Variants in PAK1IP1 observed in about 807,000 individuals in gnomAD.
PAK1IP1 encodes PAK1 interacting protein 1.
A neutral mutation model predicts 42.0 loss-of-function variants in PAK1IP1; 24 were observed. The observed-to-expected ratio is 0.57, with a 90% CI of 0.41 to 0.80. The LOEUF is 0.80. Ranked by LOEUF, PAK1IP1 falls within the 30% of genes least tolerant of loss-of-function variation. PAK1IP1 has a pLI of 0.00. For missense variants in PAK1IP1, 411 were observed against 467.9 expected (o/e 0.88, Z 1.12); for synonymous variants, 154 against 156.7 (o/e 0.98, Z 0.13).
chr6:10,695,295 C>T (rs1045438594), intron 1 of PAK1IP1, among the ~76,000 whole-genome samples: 2 of 152,144 alleles, frequency 1.3e-5, no homozygotes, highest in Admixed American at 6.5e-5. Context: ...GTCCACGGGA[C>T]ACAAAGGAAA....
intron 5 of PAK1IP1, 122 bp downstream of exon 5, chr6:10,703,579 C>G: frequency 1.6e-6 from 1 of 639,604 alleles, no homozygotes; most frequent in South Asian, 2.0e-5. Flanking sequence ...AACACCTTAC[C>G]TCATGATGGG....
intron 2 of PAK1IP1, among the ~76,000 whole-genome samples, chr6:10,699,690 G>GC (rs1769967447): frequency 6.6e-6 from 1 of 152,126 alleles, no homozygotes. Context: ...ATAAAATGGT[G>GC]CCCTTTTTCC....
Position 10,709,377 on chromosome 6 carries a change from A to G in PAK1IP1, c.1104A>G (p.Ile368Met), listed in dbSNP as rs768619766. 6.2e-7 allele frequency: 1 copy of G among 1,614,008 alleles called. No homozygotes were observed. The highest frequency in any genetic ancestry group is 8.5e-7 in the Non-Finnish European group (1 of 1,179,932). ...SKKATKESGL[I>M]STKKRKMVEM... Reference sequence around the variant, plus strand: ...AAGCAACAAAAGAAAGTGGCCTGATATCAACCAAGAAGAGGAAAATGGTAG... The same window carrying G: ...AAGCAACAAAAGAAAGTGGCCTGATGTCAACCAAGAAGAGGAAAATGGTAG... Residue 368 changes from isoleucine (I) to methionine (M), a missense_variant, in exon 10 of 10, where the codon ATA (isoleucine) becomes ATG (methionine). Ile to Met is a conservative substitution (Grantham distance 10). Coordinates refer to ENST00000379568, the MANE Select transcript of PAK1IP1 (RefSeq NM_017906.3).
chr6:10,705,627 T>G (rs948801744), intron 7 of PAK1IP1, among the ~76,000 whole-genome samples: 2 of 152,192 alleles, frequency 1.3e-5, no homozygotes, highest in Non-Finnish European at 2.9e-5. Flanking sequence ...AGGGGGTAGA[T>G]AGTCTCAAAG....
Position 10,709,352 on chromosome 6 carries a change from A to C in PAK1IP1, c.1079A>C (p.Lys360Thr). Residue 360 changes from lysine to threonine, a missense_variant, in exon 10 of 10, where the codon AAA becomes ACA. Coordinates refer to ENST00000379568, the MANE Select transcript of PAK1IP1 (RefSeq NM_017906.3). ...KKRGLTGDSKKATKESGLIST... is the reference protein window; with the variant it reads ...KKRGLTGDSKTATKESGLIST... ...CGCGGTTTAACAGGTGACAGTAAGA[A>C]AGCAACAAAAGAAAGTGGCCTGATA... 1.2e-6 allele frequency: 2 copies of C among 1,614,020 alleles called. No homozygotes were observed. The highest frequency in any genetic ancestry group is 1.7e-6 in the Non-Finnish European group (2 of 1,179,936).
At chr6:10,691,114 A>G (rs1012235390), upstream of PAK1IP1, among the ~76,000 whole-genome samples, 1 of 152,228 alleles carries the variant, frequency 6.6e-6, no homozygotes, top group South Asian at 2.1e-4. Flanking sequence ...TTCTCCAGAC[A>G]TATCTCAGCA....
At chr6:10,706,732 A>G (rs1181194538) in intron 7 of PAK1IP1, among the ~76,000 whole-genome samples, 1 of 152,016 alleles carries the variant, frequency 6.6e-6, no homozygotes, top group Admixed American at 6.5e-5. Context: ...AAAATACAAA[A>G]ATTAGCCAGG....
intron 1 of PAK1IP1, 131 bp from the exon 2 acceptor site, chr6:10,697,193 C>T: frequency 1.3e-6 from 1 of 748,130 alleles, no homozygotes; most frequent in Non-Finnish European, 2.2e-6. Context: ...TGATAGTTTT[C>T]ATGAATCGTG....
At chr6:10,700,899 G>A (rs1770007453) in intron 2 of PAK1IP1, among the ~76,000 whole-genome samples, 1 of 151,882 alleles carries the variant, frequency 6.6e-6, no homozygotes, top group Non-Finnish European at 1.5e-5. Context: ...ACGTCCCATG[G>A]TGGTTTGCTT....
Position 10,702,421 on chromosome 6 carries a change from G to T in PAK1IP1, c.300G>T (p.Ala100=). ...FYGNRHLISG[A]EDGLICIWDA... The stretch of plus-strand genomic sequence containing the variant: ...GCAACAGGCATTTAATCAGTGGAGC[G>T]GAAGATGGACTCATCTGTATCTGGG... The change falls in exon 3 of 10, where the codon GCG becomes GCT. Residue 100 remains alanine (A), a synonymous_variant. Coordinates refer to ENST00000379568, the MANE Select transcript of PAK1IP1 (RefSeq NM_017906.3). The T allele has an allele frequency of 6.2e-7, 1 of 1,613,618 alleles. No homozygotes were observed. The highest frequency in any genetic ancestry group is 8.5e-7 in the Non-Finnish European group (1 of 1,179,612).
upstream of PAK1IP1, among the ~76,000 whole-genome samples, chr6:10,692,186 A>T (rs1769375941): frequency 6.6e-6 from 1 of 152,170 alleles, no homozygotes; most frequent in Non-Finnish European, 1.5e-5. Flanking sequence ...TGAGGGTGTA[A>T]CACTTTTGCA....
rs1769754679 is a variant in PAK1IP1 at position 10,695,049 on chromosome 6, G to C, written c.64G>C (p.Glu22Gln). ...LFGFAVHPEP[E>Q]ACGDHEQWTL... ...TGGGTTCGCTGTACACCCGGAGCCC[G>C]AGGCTTGCGGCGACCACGAGGTGAG... The change falls in exon 1 of 10, where the codon GAG becomes CAG. Residue 22 changes from glutamate (E) to glutamine (Q), a missense_variant. Glu to Gln is a conservative substitution (Grantham distance 29). Coordinates refer to ENST00000379568, the MANE Select transcript of PAK1IP1 (RefSeq NM_017906.3). 1.9e-6 allele frequency: 3 copies of C among 1,600,556 alleles called. No individual in the cohort carries two copies. In the East Asian group the frequency reaches 6.7e-5, roughly 36 times the overall value.
At chr6:10,699,942 C>G (rs960458031) in intron 2 of PAK1IP1, among the ~76,000 whole-genome samples, 1 of 152,072 alleles carries the variant, frequency 6.6e-6, no homozygotes, top group Non-Finnish European at 1.5e-5. Flanking sequence ...GACTGGCTCT[C>G]TGTTGCTGTG....
At position 10,708,969 on chromosome 6, in the gene PAK1IP1, T is replaced by C. The variant is rs1301929326; in HGVS notation, c.857T>C (p.Leu286Ser). Residue 286 changes from leucine to serine, a missense_variant, in exon 9 of 10, where the codon TTA becomes TCA. Transcript: ENST00000379568. ...LKQDKKVPPSLLCEINTNARL... is the reference protein window; with the variant it reads ...LKQDKKVPPSSLCEINTNARL... ...TCTGTTTAGAAAGTTCCCCCATCTT[T>C]ACTCTGTGAAATAAACACTAATGCC... The C allele has an allele frequency of 6.2e-7, 1 of 1,610,556 alleles. No homozygotes were observed. Among genetic ancestry groups the C allele is most frequent in the African/African-American group, 1.3e-5 (1 of 74,864 alleles).
intron 1 of PAK1IP1, 117 bp downstream of exon 1, chr6:10,695,186 T>A: frequency 6.0e-6 from 4 of 670,346 alleles, no homozygotes; most frequent in South Asian, 1.6e-5. Flanking sequence ...ATTTGATGAA[T>A]CAAACCTAAG....
chr6:10,698,465 T>G (rs1227738856), intron 2 of PAK1IP1, among the ~76,000 whole-genome samples: 1 of 152,244 alleles, frequency 6.6e-6, no homozygotes. Flanking sequence ...CCCATGCTTT[T>G]GACCACTGGT....
At chr6:10,705,558 GTTA>G (rs1770177575) in intron 7 of PAK1IP1, among the ~76,000 whole-genome samples, 1 of 150,816 alleles carries the variant, frequency 6.6e-6, no homozygotes, top group Non-Finnish European at 1.5e-5. Flanking sequence ...GTGAATTGAC[GTTA>G]TTGAGTTCCT....
chr6:10,707,658 T>G, intron 8 of PAK1IP1, 144 bp downstream of exon 8: 1 of 556,476 alleles, frequency 1.8e-6, no homozygotes, highest in Non-Finnish European at 3.2e-6. Flanking sequence ...GGTTTTAAAA[T>G]TAGGGTTCCC....
intron 7 of PAK1IP1, 86 bp from the exon 8 acceptor site, chr6:10,707,329 A>C (rs1770233602): frequency 1.3e-6 from 1 of 783,740 alleles, no homozygotes; most frequent in African/African-American, 1.7e-5. Flanking sequence ...ACATTGAGAA[A>C]GCACTAGTCT....
Sources: allele counts gnomAD v4.1 joint callset (sites outside exome capture counted in the v4.1 genomes callset), GRCh38; gene constraint gnomAD v4.1.1; transcripts MANE v1.5; gene names NCBI Gene and HGNC (gene_info 2026-07-23, HGNC 2026-07-21).